The following LPP variants were observed in gnomAD, a reference collection of about 807,000 sequenced individuals.
LPP encodes the protein LIM domain containing preferred translocation partner in lipoma.
Under a neutral mutation model 60.4 loss-of-function variants are expected in LPP, and 38 were observed. That is an observed-to-expected ratio of 0.63 (90% CI 0.49 to 0.83). LPP has a LOEUF of 0.83. Ranked by LOEUF, LPP falls within the 40% of genes least tolerant of loss-of-function variation. The probability of loss-of-function intolerance (pLI) is 0.00; values close to 1 mark genes in which losing one functional copy is unlikely to be tolerated. For synonymous variants in LPP, 328 were observed against 290.8 expected (o/e 1.13, Z -1.30); for missense variants, 902 against 783.6 (o/e 1.15, Z -1.80).
intron 3 of LPP, among the ~76,000 whole-genome samples, chr3:188,345,532 T>C (rs947420032): frequency 6.6e-6 from 1 of 152,164 alleles, no homozygotes; most frequent in Admixed American, 6.5e-5. Context: ...GAGGGATTTA[T>C]AAGCAAGAGG....
At chr3:188,870,754 C>G (rs567557405) in intron 10 of LPP, among the ~76,000 whole-genome samples, 3 of 152,152 alleles carry the variant, frequency 2.0e-5, no homozygotes, top group Non-Finnish European at 2.9e-5. Flanking sequence ...GAATTGCTAT[C>G]GGAGGAACAC....
intron 6 of LPP, chr3:188,553,882 A>G (rs1828810707): frequency 1.3e-5 from 2 of 152,216 alleles, no homozygotes; most frequent in Non-Finnish European, 2.9e-5. Flanking sequence ...CACTTGTGTG[A>G]AAATGTCTTG....
chr3:188,577,496 A>C (rs890831611), intron 6 of LPP, among the ~76,000 whole-genome samples: 4 of 151,570 alleles, frequency 2.6e-5, no homozygotes, highest in Admixed American at 6.6e-5. Flanking sequence ...CTTATCTTTA[A>C]ATTTTCTCTA....
At chr3:188,738,063 G>A (rs987642372) in intron 8 of LPP, among the ~76,000 whole-genome samples, 1 of 151,650 alleles carries the variant, frequency 6.6e-6, no homozygotes, top group Non-Finnish European at 1.5e-5. Context: ...ATTTTTTTCT[G>A]TTACTTGTTA....
intron 3 of LPP, among the ~76,000 whole-genome samples, chr3:188,391,201 A>G (rs1345980585): frequency 1.3e-5 from 2 of 152,174 alleles, no homozygotes; most frequent in African/African-American, 2.4e-5. Flanking sequence ...TGAGTGATAG[A>G]GCTGAGGCTA....
At chr3:188,496,966 ATAAGT>A (rs1810406304) in intron 5 of LPP, among the ~76,000 whole-genome samples, 1 of 151,522 alleles carries the variant, frequency 6.6e-6, no homozygotes, top group Non-Finnish European at 1.5e-5. Flanking sequence ...TACTACGGAA[ATAAGT>A]TAAATTTTGC....
intron 3 of LPP, among the ~76,000 whole-genome samples, chr3:188,380,054 A>C (rs1264771844): frequency 1.3e-5 from 2 of 152,184 alleles, no homozygotes; most frequent in East Asian, 3.9e-4. Flanking sequence ...TCTCCCCCAT[A>C]ATGAGAAAAA....
intron 6 of LPP, among the ~76,000 whole-genome samples, chr3:188,575,731 C>A (rs1477727285): frequency 6.6e-6 from 1 of 152,130 alleles, no homozygotes; most frequent in Non-Finnish European, 1.5e-5. Context: ...AATTATAGCA[C>A]CACCGCTTTT....
chr3:188,628,784 A>G (rs973359204), intron 7 of LPP, among the ~76,000 whole-genome samples: 7 of 152,062 alleles, frequency 4.6e-5, no homozygotes, highest in African/African-American at 1.7e-4. Flanking sequence ...CCAAAACCTG[A>G]CAGAGATAGA....
chr3:188,845,741 C>T (rs1761231732), intron 9 of LPP, among the ~76,000 whole-genome samples: 1 of 152,198 alleles, frequency 6.6e-6, no homozygotes, highest in South Asian at 2.1e-4. Context: ...TCTGTTGTTT[C>T]TGCCAGAGAA....
At chr3:188,437,388 A>C (rs1017911716) in intron 4 of LPP, among the ~76,000 whole-genome samples, 1 of 152,252 alleles carries the variant, frequency 6.6e-6, no homozygotes, top group Non-Finnish European at 1.5e-5. Flanking sequence ...TTTCAATCAC[A>C]TAAATCCTTC....
chr3:188,636,417 T>A (rs952893284), intron 7 of LPP, among the ~76,000 whole-genome samples: 2 of 151,382 alleles, frequency 1.3e-5, no homozygotes, highest in Admixed American at 1.3e-4. Context: ...CCCCATGGAG[T>A]CTCGCTGATT....
chr3:188,248,664 A>G (rs934431026), intron 2 of LPP, among the ~76,000 whole-genome samples: 2 of 151,506 alleles, frequency 1.3e-5, no homozygotes, highest in Non-Finnish European at 2.9e-5. Flanking sequence ...AACTTATCCA[A>G]GAAGGAGACT....
At chr3:188,232,504 A>ATTTTTTTTTTTTTTTTT (rs71634069) in intron 2 of LPP, among the ~76,000 whole-genome samples, 5 of 103,236 alleles carry the variant, frequency 4.8e-5, no homozygotes, top group Non-Finnish European at 7.6e-5. Flanking sequence ...ACACCCGGCT[A>ATTTTTTTTTTTTTTTTT]TTTTTTTTTT....
At chr3:188,202,792 T>A (rs1006997083) in intron 1 of LPP, among the ~76,000 whole-genome samples, 1 of 152,130 alleles carries the variant, frequency 6.6e-6, no homozygotes, top group African/African-American at 2.4e-5. Context: ...TGTTTCCTTG[T>A]TTGCTGCTCA....
chr3:188,474,285 G>A (rs1353675973), intron 4 of LPP, among the ~76,000 whole-genome samples: 2 of 150,394 alleles, frequency 1.3e-5, no homozygotes, highest in East Asian at 3.9e-4. Flanking sequence ...AATCAGGTAG[G>A]GGAAACCAAT....
At chr3:188,215,417 T>C (rs1364901842) in intron 1 of LPP, among the ~76,000 whole-genome samples, 1 of 152,172 alleles carries the variant, frequency 6.6e-6, no homozygotes, top group African/African-American at 2.4e-5. Context: ...TTTGTACCTA[T>C]AAGCAACAGC....
chr3:188,234,025 T>C (rs542792575), intron 2 of LPP, among the ~76,000 whole-genome samples: 26 of 152,216 alleles, frequency 1.7e-4, no homozygotes, highest in Non-Finnish European at 1.5e-4. Context: ...TTCCCACAAA[T>C]AGCATCCTTC....
intron 5 of LPP, among the ~76,000 whole-genome samples, chr3:188,508,527 A>G (rs1034219913): frequency 6.6e-6 from 1 of 152,232 alleles, no homozygotes; most frequent in African/African-American, 2.4e-5. Context: ...TTTTAATTGA[A>G]TATGTATTAA....
Sources: allele counts gnomAD v4.1 joint callset (sites outside exome capture counted in the v4.1 genomes callset), GRCh38; gene constraint gnomAD v4.1.1; transcripts MANE v1.5; gene names NCBI Gene and HGNC (gene_info 2026-07-23, HGNC 2026-07-21).